Variants in PRKN observed in about 807,000 individuals in gnomAD.
PRKN encodes the protein parkin RBR E3 ubiquitin protein ligase.
In PRKN, 56 loss-of-function variants were observed where a neutral mutation model predicts 59.5. The observed-to-expected ratio is 0.94, with a 90% CI of 0.76 to 1.18. PRKN has a LOEUF of 1.18. PRKN is among the 50% of genes most tolerant of loss of function. PRKN has a pLI of 0.00. For synonymous variants in PRKN, 250 were observed against 222.1 expected (o/e 1.13, Z -1.12); for missense variants, 657 against 596.4 (o/e 1.10, Z -1.06).
At chr6:161,536,857 GAC>G (rs1779433125) in intron 9 of PRKN, among the ~76,000 whole-genome samples, 2 of 152,274 alleles carry the variant, frequency 1.3e-5, no homozygotes, top group South Asian at 4.1e-4. Flanking sequence ...ACTAAAAATA[GAC>G]ACAGTGACAT....
chr6:161,970,232 G>A (rs1023889672), intron 6 of PRKN, among the ~76,000 whole-genome samples: 1 of 151,738 alleles, frequency 6.6e-6, no homozygotes, highest in African/African-American at 2.4e-5. Context: ...TGTAGGGACA[G>A]GGTCTTGCCA....
chr6:161,572,264 T>C (rs1780919440), intron 7 of PRKN, among the ~76,000 whole-genome samples: 1 of 152,174 alleles, frequency 6.6e-6, no homozygotes, highest in African/African-American at 2.4e-5. Context: ...ATTTCATATG[T>C]TGAGAAAGTG....
chr6:161,468,575 C>T lies in PRKN; in HGVS notation c.1083+80279G>A, dbSNP rs924881393. 9.2e-5 allele frequency among the ~76,000 whole-genome samples: 14 copies of T among 152,242 alleles called. No homozygotes were observed. The highest frequency in any genetic ancestry group is 2.6e-4 in the African/African-American group (11 of 41,538). ...TCCTTTACTGAAATCTGCCCAATGTCGTCTGCTATTATTTCAAATACTCAT... is the reference window on the plus strand; with the variant it reads ...TCCTTTACTGAAATCTGCCCAATGTTGTCTGCTATTATTTCAAATACTCAT... On this transcript the variant is annotated intron_variant, in intron 9 of 11. Transcript: ENST00000366898. The surrounding 1 kb of genome is among the most constrained non-coding windows in gnomAD (Gnocchi z 5.9).
Position 162,727,757 on chromosome 6 carries a change from G to A in PRKN, c.-89C>T, listed in dbSNP as rs745536814. ...CGCCTCCCACCAGCGGCTCTCCTGGGTTAAATCCTCCAGGCCTCCCCGCCC... is the reference window on the plus strand; with the variant it reads ...CGCCTCCCACCAGCGGCTCTCCTGGATTAAATCCTCCAGGCCTCCCCGCCC... On this transcript the variant is annotated 5_prime_UTR_variant, in exon 1 of 12. Transcript: ENST00000366898. 33 of 1,383,774 alleles carry A rather than the reference G, an allele frequency of 2.4e-5. No homozygotes were observed. The highest frequency in any genetic ancestry group is 1.8e-4 in the Middle Eastern group (1 of 5,606). The allele number at this position is 1,383,774 out of a possible 1,614,324, so 85.7% of individuals were successfully genotyped here. A position where few individuals can be genotyped will look rare whatever the true frequency, so the allele number is the denominator to read the frequency against.
At chr6:162,571,481 T>C (rs1461472694) in intron 1 of PRKN, among the ~76,000 whole-genome samples, 1 of 151,914 alleles carries the variant, frequency 6.6e-6, no homozygotes. Flanking sequence ...GGCAAAAAAA[T>C]TAAAACTGCT....
chr6:161,494,729 A>C (rs1777680367), intron 9 of PRKN, among the ~76,000 whole-genome samples: 1 of 152,240 alleles, frequency 6.6e-6, no homozygotes, highest in Non-Finnish European at 1.5e-5. Flanking sequence ...TTCCCATCTT[A>C]CGGGCAAAGA....
At chr6:162,140,207 T>C (rs1275686167) in intron 4 of PRKN, among the ~76,000 whole-genome samples, 1 of 152,214 alleles carries the variant, frequency 6.6e-6, no homozygotes. Context: ...ACTTCCCTTT[T>C]AGTTTCCTGT....
In PRKN at chr6:161,567,017, T is replaced by C. The variant is rs56062002; in HGVS notation, c.933+2338A>G. On this transcript the variant is annotated intron_variant, in intron 8 of 11. Coordinates refer to ENST00000366898, the MANE Select transcript of PRKN (RefSeq NM_004562.3). ...TCACCTCTTCCTCCAGTATTCACTG[T>C]CCTTGTTTTTTTTTTTTTTTTGTGT... Among the ~76,000 whole-genome samples the C allele has an allele frequency of 5.8e-3, 731 of 125,994 alleles. 5 individuals carry two copies. Among genetic ancestry groups the C allele is most frequent in the Middle Eastern group, 9.5e-3 (2 of 210 alleles). 82.7% of individuals were successfully genotyped at this position (125,994 alleles called of 152,430 possible).
intron 10 of PRKN, among the ~76,000 whole-genome samples, chr6:161,381,670 G>A (rs898774708): frequency 6.6e-6 from 1 of 152,152 alleles, no homozygotes; most frequent in Admixed American, 6.5e-5. Context: ...TTCTTTTCCT[G>A]TACTTACCCA....
At chr6:161,510,560 C>G (rs1014452534) in intron 9 of PRKN, among the ~76,000 whole-genome samples, 1 of 152,180 alleles carries the variant, frequency 6.6e-6, no homozygotes, top group African/African-American at 2.4e-5. Flanking sequence ...AATTCCCTTA[C>G]AAAGGTTGGT....
chr6:162,556,435 C>T (rs1175658289), intron 1 of PRKN, among the ~76,000 whole-genome samples: 1 of 142,062 alleles, frequency 7.0e-6, no homozygotes, highest in African/African-American at 2.6e-5. Flanking sequence ...TTTTTTTTCC[C>T]CTCTAGTGCA....
chr6:161,791,397 C>CA (rs1790631732), intron 6 of PRKN, among the ~76,000 whole-genome samples: 1 of 152,182 alleles, frequency 6.6e-6, no homozygotes, highest in African/African-American at 2.4e-5. Context: ...CTAGCATCTA[C>CA]AAAAATAGCA....
intron 9 of PRKN, among the ~76,000 whole-genome samples, chr6:161,426,337 GGAGATTAACATTT>G (rs1788355314): frequency 6.6e-6 from 1 of 152,106 alleles, no homozygotes; most frequent in African/African-American, 2.4e-5. Context: ...TGTTGTCAAA[GGAGATTAACATTT>G]GAGTCAGTGG....
At chr6:161,813,334 G>A (rs927252152) in intron 6 of PRKN, among the ~76,000 whole-genome samples, 1 of 152,116 alleles carries the variant, frequency 6.6e-6, no homozygotes, top group Non-Finnish European at 1.5e-5. Context: ...ACCACAGGAG[G>A]GGATGTCCCC....
intron 6 of PRKN, among the ~76,000 whole-genome samples, chr6:161,838,526 G>A (rs1370503868): frequency 6.6e-6 from 1 of 152,220 alleles, no homozygotes; most frequent in African/African-American, 2.4e-5. Context: ...TTGTCATGGG[G>A]CTTAAATGAG....
At chr6:162,389,291 TG>T (rs1787039415) in intron 2 of PRKN, among the ~76,000 whole-genome samples, 1 of 151,166 alleles carries the variant, frequency 6.6e-6, no homozygotes, top group South Asian at 2.1e-4. Flanking sequence ...CAAGAAGAGC[TG>T]GGGCACCGGT....
intron 2 of PRKN, among the ~76,000 whole-genome samples, chr6:162,393,566 G>T (rs987045164): frequency 6.6e-6 from 1 of 152,058 alleles, no homozygotes; most frequent in Non-Finnish European, 1.5e-5. Flanking sequence ...TTGCATGCAC[G>T]ATCTTATTTA....
chr6:162,212,578 A>G (rs749811048), intron 3 of PRKN, among the ~76,000 whole-genome samples: 19 of 152,186 alleles, frequency 1.2e-4, no homozygotes, highest in Non-Finnish European at 2.2e-4. Flanking sequence ...ACAGGCCGGC[A>G]TGTATTCTTC....
chr6:161,458,413 G>A lies in PRKN; in HGVS notation c.1084-71536C>T, dbSNP rs1790065998. On this transcript the variant is annotated intron_variant, in intron 9 of 11. Coordinates refer to ENST00000366898, the MANE Select transcript of PRKN (RefSeq NM_004562.3). The surrounding 1 kb of genome is among the most constrained non-coding windows in gnomAD (Gnocchi z 6.1). ...TGCAAACCTGGAAGCCGTTATCACA[G>A]CTCCCTGGCCCTCGCCGCGGTGGAG... 6.6e-6 allele frequency among the ~76,000 whole-genome samples: 1 copy of A among 152,160 alleles called. No individual in the cohort carries two copies. Among genetic ancestry groups the A allele is most frequent in the Non-Finnish European group, 1.5e-5 (1 of 68,032 alleles).
Sources: allele counts gnomAD v4.1 joint callset (sites outside exome capture counted in the v4.1 genomes callset), GRCh38; gene constraint gnomAD v4.1.1; non-coding constraint Gnocchi (gnomAD v3.1); transcripts MANE v1.5; gene names NCBI Gene and HGNC (gene_info 2026-07-23, HGNC 2026-07-21).